The following CKS1B variants were observed in gnomAD, a reference collection of about 807,000 sequenced individuals.
The protein encoded by CKS1B is CDC28 protein kinase regulatory subunit 1B.
A neutral mutation model predicts 12.2 loss-of-function variants in CKS1B; 5 were observed. The ratio of observed to expected loss-of-function variants is 0.41; its 90% CI spans 0.21 to 0.86. The LOEUF (loss-of-function observed/expected upper bound fraction) is 0.86. CKS1B is among the 40% of genes least tolerant of loss of function. The pLI is 0.32. For synonymous variants in CKS1B, 24 were observed against 34.4 expected (o/e 0.70, Z 1.06); for missense variants, 53 against 99.9 (o/e 0.53, Z 2.00).
At chr1:154,976,569 C>G (rs1657191616) in intron 1 of CKS1B, among the ~76,000 whole-genome samples, 1 of 152,174 alleles carries the variant, frequency 6.6e-6, no homozygotes, top group South Asian at 2.1e-4. Context: ...CTTTCTTTTC[C>G]TCAGCTGTTT....
intron 1 of CKS1B, among the ~76,000 whole-genome samples, chr1:154,976,612 T>C (rs553350838): frequency 6.6e-6 from 1 of 152,338 alleles, no homozygotes; most frequent in South Asian, 2.1e-4. Flanking sequence ...AACTTAAAAC[T>C]GTATGTGCTT....
rs577897001 is a variant in CKS1B, at chr1:154,977,865, A to G, written c.60-122A>G. Reference sequence around the variant, plus strand: ...GCTGCTGCTACCCCACAATAAAATTATATAAACTCTGACATCAAAAACCAG... The same window carrying G: ...GCTGCTGCTACCCCACAATAAAATTGTATAAACTCTGACATCAAAAACCAG... On this transcript the variant is annotated intron_variant, in intron 1 of 2. Transcript: ENST00000308987. 6 of 949,270 alleles carry G rather than the reference A, an allele frequency of 6.3e-6. No individual in the cohort carries two copies. The African/African-American group carries it at 8.4e-5, about 13-fold the overall frequency. 58.8% of individuals were successfully genotyped at this position (949,270 alleles called of 1,614,324 possible).
At chr1:154,977,123 TTTTTC>T (rs1309189432) in intron 1 of CKS1B, among the ~76,000 whole-genome samples, 4 of 152,008 alleles carry the variant, frequency 2.6e-5, no homozygotes, top group Non-Finnish European at 2.9e-5. Context: ...AGCCCTTTCT[TTTTTC>T]TTATTTTTTT....
At position 154,977,971 on chromosome 1, in the gene CKS1B, C is replaced by A. The variant is rs762187359; in HGVS notation, c.60-16C>A. ...GGTACTAACATAAATTCCCCACTTC[C>A]CCGTTTCTGTTACAGACATGTCATG... On this transcript the variant is annotated splice_polypyrimidine_tract_variant and intron_variant, in intron 1 of 2. Coordinates refer to ENST00000308987, the MANE Select transcript of CKS1B (RefSeq NM_001826.3). The A allele has an allele frequency of 6.2e-7, 1 of 1,609,758 alleles. No individual in the cohort carries two copies. The highest frequency in any genetic ancestry group is 8.5e-7 in the Non-Finnish European group (1 of 1,178,030).
intron 1 of CKS1B, 120 bp downstream of exon 1, chr1:154,974,924 CAATGGTGTGATATTGTGG>C: frequency 6.2e-7 from 1 of 1,613,604 alleles, no homozygotes. Flanking sequence ...TGCGAACGGG[CAATGGTGTGATATTGTGG>C]AAGGCGTAAG....
At position 154,978,040 on chromosome 1, in the gene CKS1B, T is replaced by C. The variant is rs779692390; in HGVS notation, c.113T>C (p.Met38Thr). 1 of 1,614,040 alleles carries C rather than the reference T, an allele frequency of 6.2e-7. No individual in the cohort carries two copies. Among genetic ancestry groups the C allele is most frequent in the Non-Finnish European group, 8.5e-7 (1 of 1,180,000 alleles). Residue 38 changes from methionine (M) to threonine (T), a missense_variant, in exon 2 of 3, where the codon ATG becomes ACG. Met to Thr is a moderately conservative substitution (Grantham distance 81). Coordinates refer to ENST00000308987, the MANE Select transcript of CKS1B (RefSeq NM_001826.3). ...IAKLVPKTHL[M>T]SESEWRNLGV... ...AAGCTGGTCCCTAAAACCCATCTGA[T>C]GTCTGAATCTGAATGGAGGAATCTT...
At position 154,978,758 on chromosome 1, in the gene CKS1B, C is replaced by T. The variant is rs1164412721; in HGVS notation, c.221C>T (p.Pro74Leu). 8 of 1,612,754 alleles carry T rather than the reference C, an allele frequency of 5.0e-6. No individual in the cohort carries two copies. The highest frequency in any genetic ancestry group is 6.8e-6 in the Non-Finnish European group (8 of 1,179,034). The change falls in exon 3 of 3, where the codon CCC (proline) becomes CTC (leucine). Residue 74 changes from proline (P) to leucine (L), a missense_variant. Transcript: ENST00000308987. ...ATCTTGCTGTTCCGGCGCCCACTACCCAAGAAACCAAAGAAATGAAGCTGG... is the reference window on the plus strand; with the variant it reads ...ATCTTGCTGTTCCGGCGCCCACTACTCAAGAAACCAAAGAAATGAAGCTGG... Reference protein sequence around the residue: ...PHILLFRRPLPKKPKK With the variant: ...PHILLFRRPLLKKPKK
Position 154,978,708 on chromosome 1 carries a change from T to C in CKS1B, c.188-17T>C. Reference sequence around the variant, plus strand: ...AATGGTGTGAGCTTGTCTCTTAGATTTCCCTCACTCTTTCAGAACCTCACA... The same window carrying C: ...AATGGTGTGAGCTTGTCTCTTAGATCTCCCTCACTCTTTCAGAACCTCACA... On this transcript the variant is annotated splice_polypyrimidine_tract_variant and intron_variant, in intron 2 of 2. Coordinates refer to ENST00000308987, the MANE Select transcript of CKS1B (RefSeq NM_001826.3). The C allele has an allele frequency of 6.2e-7, 1 of 1,613,008 alleles. No individual in the cohort carries two copies. The highest frequency in any genetic ancestry group is 8.5e-7 in the Non-Finnish European group (1 of 1,179,048).
intron 1 of CKS1B, 151 bp downstream of exon 1, chr1:154,974,955 G>A: frequency 6.2e-7 from 1 of 1,611,770 alleles, no homozygotes; most frequent in Non-Finnish European, 8.5e-7. Flanking sequence ...GGCGTAAGGC[G>A]CATGCGCGGA....
chr1:154,978,264 T>C, intron 2 of CKS1B, 150 bp downstream of exon 2: 4 of 818,918 alleles, frequency 4.9e-6, no homozygotes, highest in Non-Finnish European at 5.5e-6. Context: ...AAAAAACTAG[T>C]GACCAAAAAT....
intron 1 of CKS1B, chr1:154,975,657 T>C (rs1657152891): frequency 6.5e-6 from 1 of 154,972 alleles, no homozygotes; most frequent in Non-Finnish European, 1.5e-5. Flanking sequence ...CTACTTTTGC[T>C]AACTCCAGGA....
rs545522828 is a variant in CKS1B, at chr1:154,979,084, C to T, written c.*307C>T. ...GAAGCATCTGAGTTTGAGACCATGG[C>T]TGTTACAGGGATCATGTAAACTTGC... On this transcript the variant is annotated 3_prime_UTR_variant, in exon 3 of 3. Transcript: ENST00000308987. The T allele has an allele frequency of 1.1e-3, 361 of 322,652 alleles. 2 individuals carry two copies. The highest frequency in any genetic ancestry group is 1.6e-3 in the Non-Finnish European group (277 of 172,544). The allele number at this position is 322,652 out of a possible 1,614,324, so 20.0% of individuals were successfully genotyped here.
At chr1:154,978,196 G>A in intron 2 of CKS1B, 82 bp downstream of exon 2, 1 of 1,378,756 alleles carries the variant, frequency 7.3e-7, no homozygotes, top group Non-Finnish European at 9.7e-7. Flanking sequence ...CCCAAATAGG[G>A]AGATAGGAAA....
chr1:154,976,591 T>C (rs116126462), intron 1 of CKS1B, among the ~76,000 whole-genome samples: 1 of 152,346 alleles, frequency 6.6e-6, no homozygotes, highest in Non-Finnish European at 1.5e-5. Flanking sequence ...CCTCTACATC[T>C]GAACTAAACT....
chr1:154,977,904 T>G, intron 1 of CKS1B, 83 bp from the exon 2 acceptor site: 1 of 1,400,556 alleles, frequency 7.1e-7, no homozygotes, highest in Non-Finnish European at 9.5e-7. Context: ...TTCTTTCCTT[T>G]CTTGGCCTTG....
At chr1:154,977,780 T>C (rs111636768) in intron 1 of CKS1B, 7 of 531,040 alleles carry the variant, frequency 1.3e-5, no homozygotes, top group African/African-American at 7.8e-5. Context: ...ACTGGAATTA[T>C]TCACTAATTT....
chr1:154,974,777 A>G lies in CKS1B; in HGVS notation c.32A>G (p.Lys11Arg), dbSNP rs147624088. The G allele has an allele frequency of 8.1e-6, 13 of 1,613,384 alleles. No individual in the cohort carries two copies. In the African/African-American group the frequency reaches 1.1e-4, roughly 13 times the overall value. ...CACAAACAAATTTACTATTCGGACA[A>G]ATACGACGACGAGGAGTTTGAGTAT... MSHKQIYYSDKYDDEEFEYRH... is the reference protein window; with the variant it reads MSHKQIYYSDRYDDEEFEYRH... Residue 11 changes from lysine to arginine, a missense_variant, in exon 1 of 3, where the codon AAA becomes AGA. Transcript: ENST00000308987.
At chr1:154,975,375 T>G (rs1657137985) in intron 1 of CKS1B, among the ~76,000 whole-genome samples, 1 of 152,194 alleles carries the variant, frequency 6.6e-6, no homozygotes, top group African/African-American at 2.4e-5. Context: ...AGATGCCCTT[T>G]AAATATCAAA....
At chr1:154,974,993 G>C (rs1657111394) in intron 1 of CKS1B, 189 bp downstream of exon 1, 1 of 1,572,300 alleles carries the variant, frequency 6.4e-7, no homozygotes, top group Admixed American at 1.7e-5. Context: ...AAACAAAGTG[G>C]TTGCGAATTT....
Sources: gnomAD v4.1 joint callset for allele counts (sites outside exome capture counted in the v4.1 genomes callset) on GRCh38, gnomAD v4.1.1 for gene constraint, MANE v1.5 for transcripts, NCBI Gene and HGNC (gene_info 2026-07-23, HGNC 2026-07-21) for gene names.